The following FAM193A variants were observed in gnomAD, a reference collection of about 807,000 sequenced individuals.
The protein encoded by FAM193A is protein FAM193A.
Under a neutral mutation model 126.5 loss-of-function variants are expected in FAM193A, and 22 were observed. That is an observed-to-expected ratio of 0.17 (90% CI 0.12 to 0.25). The LOEUF (loss-of-function observed/expected upper bound fraction) is 0.25. FAM193A is among the 10% of genes least tolerant of loss of function. The probability of loss-of-function intolerance (pLI) is 1.00; values close to 1 mark genes in which losing one functional copy is unlikely to be tolerated. For missense variants in FAM193A, 1,675 were observed against 1,672.8 expected, an observed-to-expected ratio of 1.00 and a Z score of -0.02; for synonymous variants, 761 against 646.8, an observed-to-expected ratio of 1.18 and a Z score of -2.68.
chr4:2,684,086 C>G (rs1024650122), intron 13 of FAM193A, among the ~76,000 whole-genome samples: 4 of 152,248 alleles, frequency 2.6e-5, no homozygotes, highest in Non-Finnish European at 4.4e-5. Flanking sequence ...AGCCTTTGGC[C>G]TACCAATCAT....
At chr4:2,700,979 G>A (rs1412168708) in intron 19 of FAM193A, among the ~76,000 whole-genome samples, 1 of 151,660 alleles carries the variant, frequency 6.6e-6, no homozygotes, top group Admixed American at 6.6e-5. Context: ...TACATATAGA[G>A]AGAGAGAGGA....
chr4:2,552,362 G>A (rs1189026058), intron 1 of FAM193A, among the ~76,000 whole-genome samples: 2 of 151,026 alleles, frequency 1.3e-5, no homozygotes, highest in African/African-American at 4.9e-5. Flanking sequence ...TGTTGCTCAC[G>A]CTGGTGTTTA....
At chr4:2,716,988 T>A (rs1177066402) in intron 20 of FAM193A, among the ~76,000 whole-genome samples, 1 of 151,178 alleles carries the variant, frequency 6.6e-6, no homozygotes, top group Non-Finnish European at 1.5e-5. Context: ...TTTATTTCAT[T>A]TTTTTTATTT....
intron 2 of FAM193A, among the ~76,000 whole-genome samples, chr4:2,601,205 T>G (rs1432125220): frequency 6.6e-6 from 1 of 151,460 alleles, no homozygotes; most frequent in Non-Finnish European, 1.5e-5. Context: ...TTTGTAGATT[T>G]GACTTTTTAT....
At chr4:2,591,449 A>G (rs998337488) in intron 1 of FAM193A, among the ~76,000 whole-genome samples, 2 of 151,998 alleles carry the variant, frequency 1.3e-5, no homozygotes, top group African/African-American at 2.4e-5. Flanking sequence ...TTGACAGGAG[A>G]TGGAGGGCAT....
At chr4:2,634,088 G>C (rs1480246115) in intron 5 of FAM193A, among the ~76,000 whole-genome samples, 1 of 152,180 alleles carries the variant, frequency 6.6e-6, no homozygotes, top group Non-Finnish European at 1.5e-5. Flanking sequence ...TGCACATAAT[G>C]CTGGGACTGT....
chr4:2,637,220 C>G (rs558216843), intron 5 of FAM193A, among the ~76,000 whole-genome samples: 20 of 152,182 alleles, frequency 1.3e-4, no homozygotes, highest in Non-Finnish European at 2.8e-4. Flanking sequence ...CCAGCCACTC[C>G]GGAGGCTGAG....
intron 2 of FAM193A, among the ~76,000 whole-genome samples, chr4:2,598,802 G>A (rs1399400097): frequency 6.6e-6 from 1 of 152,208 alleles, no homozygotes; most frequent in Non-Finnish European, 1.5e-5. Flanking sequence ...GTGCGTGCTC[G>A]TGTGGGCCTG....
intron 2 of FAM193A, among the ~76,000 whole-genome samples, chr4:2,622,539 T>C (rs1742619915): frequency 6.6e-6 from 1 of 152,098 alleles, no homozygotes; most frequent in African/African-American, 2.4e-5. Context: ...CTCTTTCTTG[T>C]TGGTGGCGGG....
At chr4:2,638,451 T>C (rs1744305077) in intron 5 of FAM193A, among the ~76,000 whole-genome samples, 1 of 152,176 alleles carries the variant, frequency 6.6e-6, no homozygotes, top group African/African-American at 2.4e-5. Context: ...GTGTGCTTGC[T>C]CTGAGATAAT....
At chr4:2,651,736 G>A (rs768272902) in intron 7 of FAM193A, among the ~76,000 whole-genome samples, 3 of 152,228 alleles carry the variant, frequency 2.0e-5, no homozygotes, top group Non-Finnish European at 4.4e-5. Flanking sequence ...TGTAATCAGG[G>A]TGTGGTAGCA....
chr4:2,626,531 C>G lies in FAM193A; in HGVS notation c.757C>G (p.Gln253Glu). The change falls in exon 4 of 21, where the codon CAG becomes GAG. Residue 253 changes from glutamine to glutamate, a missense_variant. Physicochemically the swap from Gln to Glu is conservative, Grantham distance 29. Coordinates refer to ENST00000637812, the MANE Select transcript of FAM193A (RefSeq NM_001366318.2). The part of the protein sequence containing the change: ...AGTPLADDQD[Q>E]SLVPDKEGVK... ...AACCCCGCTGGCAGATGACCAGGAC[C>G]AGTCTCTGGTGCCTGACAAGGAGGG... is the stretch of plus-strand genomic sequence containing the variant. The G allele has an allele frequency of 2.8e-6, 2 of 702,194 alleles. No homozygotes were observed. The highest frequency in any genetic ancestry group is 5.2e-6 in the Non-Finnish European group (2 of 384,884). 43.5% of individuals were successfully genotyped at this position (702,194 alleles called of 1,614,324 possible).
At chr4:2,587,309 T>G (rs140961094) in intron 1 of FAM193A, among the ~76,000 whole-genome samples, 1 of 152,244 alleles carries the variant, frequency 6.6e-6, no homozygotes, top group Admixed American at 6.5e-5. Flanking sequence ...CTCAGGGAAC[T>G]AATGGAATGA....
In FAM193A at chr4:2,606,052, T is replaced by TTTC. The variant is rs1303753122; in HGVS notation, c.501+9725_501+9726insCTT. Reference sequence around the variant, plus strand: ...TGTATATTTTGCAAACCTCTTTTTTTTTTTTTTTTTTTTTTTGAGACAGTG... The same window carrying TTTC: ...TGTATATTTTGCAAACCTCTTTTTTTTTCTTTTTTTTTTTTTTTTGAGACAGTG... On this transcript the variant is annotated intron_variant, in intron 2 of 20. Transcript: ENST00000637812. Among the ~76,000 whole-genome samples, 627 of 112,150 alleles carry TTTC rather than the reference T, an allele frequency of 5.6e-3. 45 individuals are homozygous for TTTC. Among genetic ancestry groups the TTTC allele is most frequent in the African/African-American group, 0.021 (607 of 29,424 alleles). The allele number at this position is 112,150 out of a possible 152,430, so 73.6% of individuals were successfully genotyped here.
chr4:2,618,847 C>T (rs1051462445), intron 2 of FAM193A, among the ~76,000 whole-genome samples: 29 of 151,976 alleles, frequency 1.9e-4, no homozygotes, highest in African/African-American at 6.5e-4. Flanking sequence ...TGCCCACCCT[C>T]GGCCTCCCAA....
At chr4:2,676,506 A>G (rs1342011872) in intron 13 of FAM193A, among the ~76,000 whole-genome samples, 4 of 152,142 alleles carry the variant, frequency 2.6e-5, no homozygotes, top group African/African-American at 9.7e-5. Context: ...TCGTTTTTGA[A>G]TCAGGTTTGT....
At chr4:2,624,207 C>T (rs1479129427) in intron 2 of FAM193A, among the ~76,000 whole-genome samples, 2 of 151,858 alleles carry the variant, frequency 1.3e-5, no homozygotes, top group South Asian at 4.1e-4. Context: ...GACAAAGTCT[C>T]GGTCTGTTTC....
At position 2,618,008 on chromosome 4, in the gene FAM193A, T is replaced by G. The variant is rs541981800; in HGVS notation, c.502-7254T>G. On this transcript the variant is annotated intron_variant, in intron 2 of 20. Coordinates refer to ENST00000637812, the MANE Select transcript of FAM193A (RefSeq NM_001366318.2). ...GGTAGCTTCTGTTTGAAATCTTTTT[T>G]GCCTTTGTTTTAAAAAGATATTTCT... Among the ~76,000 whole-genome samples the G allele has an allele frequency of 7.2e-5, 11 of 152,354 alleles. No individual in the cohort carries two copies. In the South Asian group the frequency reaches 2.1e-3, roughly 29 times the overall value.
chr4:2,665,418 C>G (rs182489925), intron 12 of FAM193A, among the ~76,000 whole-genome samples: 69 of 152,290 alleles, frequency 4.5e-4, no homozygotes, highest in Admixed American at 3.9e-4. Context: ...ATCATGTTGT[C>G]TGCAAATAAA....
Sources: allele counts gnomAD v4.1 joint callset (sites outside exome capture counted in the v4.1 genomes callset), GRCh38; gene constraint gnomAD v4.1.1; transcripts MANE v1.5; gene names NCBI Gene and HGNC (gene_info 2026-07-23, HGNC 2026-07-21).